ADAMTS15: variants seen among roughly 807,000 people sequenced by gnomAD.
ADAMTS15 encodes the protein A disintegrin and metalloproteinase with thrombospondin motifs 15.
In ADAMTS15, 35 loss-of-function variants were observed where a neutral mutation model predicts 79.1. The ratio of observed to expected loss-of-function variants is 0.44; its 90% CI spans 0.34 to 0.59. The LOEUF (loss-of-function observed/expected upper bound fraction) is 0.59. Among genes scored for constraint, ADAMTS15 ranks in the 20% least tolerant of loss-of-function variants. ADAMTS15 has a pLI of 0.02. For synonymous variants in ADAMTS15, 616 were observed against 567.3 expected (o/e 1.09, Z -1.22); for missense variants, 1,324 against 1,318.7 (o/e 1.00, Z -0.06).
Position 130,473,954 on chromosome 11 carries a change from C to T in ADAMTS15, c.*133C>T. 1 of 1,287,180 alleles carries T rather than the reference C, an allele frequency of 7.8e-7. No individual in the cohort carries two copies. Among genetic ancestry groups the T allele is most frequent in the Non-Finnish European group, 1.0e-6 (1 of 961,358 alleles). 79.7% of individuals were successfully genotyped at this position (1,287,180 alleles called of 1,614,324 possible). ...GTCACCCACATCCGGGGACAAGGAC[C>T]ATGGGCTGGGGCGAGAGGTTCCCTC... On this transcript the variant is annotated 3_prime_UTR_variant, in exon 8 of 8. Coordinates refer to ENST00000299164, the MANE Select transcript of ADAMTS15 (RefSeq NM_139055.4).
At position 130,449,642 on chromosome 11, in the gene ADAMTS15, G is replaced by C. The variant is rs753245189; in HGVS notation, c.669G>C (p.Leu223=). 1 of 1,600,226 alleles carries C rather than the reference G, an allele frequency of 6.2e-7. No individual in the cohort carries two copies. Among genetic ancestry groups the C allele is most frequent in the Non-Finnish European group, 8.5e-7 (1 of 1,173,780 alleles). Residue 223 remains leucine (L), a synonymous_variant, in exon 1 of 8, where the codon CTG becomes CTC. Transcript: ENST00000299164. This position sits in a 1 kb window ranked among gnomAD's most constrained non-coding sequence, Gnocchi z 7.8. ...FVSIPRYVET[L]VVADESMVKF... is the part of the protein sequence containing the mutation. ...CTATCCCGCGGTACGTGGAGACGCT[G>C]GTGGTCGCGGACGAGTCAATGGTCA...
intron 1 of ADAMTS15, among the ~76,000 whole-genome samples, chr11:130,458,320 G>A (rs369706957): frequency 2.0e-5 from 3 of 152,148 alleles, no homozygotes; most frequent in Non-Finnish European, 2.9e-5. Context: ...TTGGCCTCCC[G>A]AAGTGCTAGG....
chr11:130,470,206 A>ATATATATATATATATG (rs1565397932), intron 5 of ADAMTS15, among the ~76,000 whole-genome samples: 1 of 64,030 alleles, frequency 1.6e-5, no homozygotes, highest in Non-Finnish European at 3.1e-5. Flanking sequence ...ATATATATAT[A>ATATATATATATATATG]TATGTATATA....
intron 4 of ADAMTS15, among the ~76,000 whole-genome samples, chr11:130,466,169 G>A (rs376227213): frequency 6.6e-6 from 1 of 152,048 alleles, no homozygotes; most frequent in African/African-American, 2.4e-5. Flanking sequence ...CACCGCGCCC[G>A]GCCTGTACTC....
Position 130,452,522 on chromosome 11 carries a change from C to G in ADAMTS15, c.957+2592C>G, listed in dbSNP as rs1478059570. 2.6e-5 allele frequency among the ~76,000 whole-genome samples: 4 copies of G among 152,354 alleles called. No individual in the cohort carries two copies. The South Asian group carries it at 8.3e-4, about 32-fold the overall frequency. On this transcript the variant is annotated intron_variant, in intron 1 of 7. Transcript: ENST00000299164. ...GAGACTTGGTAGGCCCTCCCTCATT[C>G]CCTGAGACTTCTCTGTCTTTAGGTC... is the stretch of plus-strand genomic sequence containing the variant.
intron 1 of ADAMTS15, among the ~76,000 whole-genome samples, chr11:130,457,190 G>A (rs1336377616): frequency 2.7e-5 from 4 of 150,192 alleles, no homozygotes; most frequent in East Asian, 2.0e-4. Flanking sequence ...GAGATCACAC[G>A]ACTGTACTCC....
intron 1 of ADAMTS15, among the ~76,000 whole-genome samples, chr11:130,452,704 C>T (rs895609228): frequency 2.0e-5 from 3 of 152,204 alleles, no homozygotes; most frequent in Non-Finnish European, 2.9e-5. Flanking sequence ...TGGCCTTGGC[C>T]GGGCGCAGTG....
Position 130,462,684 on chromosome 11 carries a change from C to A in ADAMTS15, c.1446C>A (p.Thr482=). The A allele has an allele frequency of 6.2e-7, 1 of 1,613,464 alleles. No homozygotes were observed. Among genetic ancestry groups the A allele is most frequent in the South Asian group, 1.1e-5 (1 of 91,068 alleles). ...GKAKGQMVCQ[T]RHFPWADGTS... ...CCAAGGGACAGATGGTGTGCCAGAC[C>A]CGCCACTTCCCCTGGGCCGATGGCA... The change falls in exon 4 of 8, where the codon ACC becomes ACA. Residue 482 remains threonine, a synonymous_variant. Coordinates refer to ENST00000299164, the MANE Select transcript of ADAMTS15 (RefSeq NM_139055.4). The surrounding 1 kb of genome is among the most constrained non-coding windows in gnomAD (Gnocchi z 4.3).
At position 130,462,358 on chromosome 11, in the gene ADAMTS15, T is replaced by G; in HGVS notation, c.1258+104T>G. 1.3e-6 allele frequency: 2 copies of G among 1,489,234 alleles called. No homozygotes were observed. The highest frequency in any genetic ancestry group is 4.8e-5 in the East Asian group (2 of 41,536). The allele number at this position is 1,489,234 out of a possible 1,614,324, so 92.3% of individuals were successfully genotyped here. ...CTCCGTCCTCTGTACATTAGGTGTG[T>G]GTGCCCCCTCGGAGCCGGGCTCTGA... On this transcript the variant is annotated intron_variant, in intron 3 of 7. Coordinates refer to ENST00000299164, the MANE Select transcript of ADAMTS15 (RefSeq NM_139055.4). This position sits in a 1 kb window ranked among gnomAD's most constrained non-coding sequence, Gnocchi z 4.3.
At chr11:130,462,000 G>C in intron 2 of ADAMTS15, 87 bp from the exon 3 acceptor site, 1 of 1,440,844 alleles carries the variant, frequency 6.9e-7, no homozygotes, top group Non-Finnish European at 9.5e-7. Flanking sequence ...CCTCTGACAT[G>C]GGCTTTCTAG....
intron 1 of ADAMTS15, among the ~76,000 whole-genome samples, chr11:130,455,807 C>T (rs1938065154): frequency 1.3e-5 from 2 of 152,134 alleles, no homozygotes; most frequent in Admixed American, 1.3e-4. Flanking sequence ...GGCAAGGAGC[C>T]GGGGGCTCGT....
chr11:130,451,789 C>T (rs532246204), intron 1 of ADAMTS15, among the ~76,000 whole-genome samples: 2 of 152,182 alleles, frequency 1.3e-5, no homozygotes, highest in Admixed American at 6.5e-5. Flanking sequence ...AGAAGGAGGC[C>T]GCCTTTTGAA....
intron 4 of ADAMTS15, among the ~76,000 whole-genome samples, chr11:130,466,951 C>T (rs1257450160): frequency 6.6e-6 from 1 of 152,160 alleles, no homozygotes; most frequent in Non-Finnish European, 1.5e-5. Context: ...TTCCCAACTC[C>T]TCCCTACCAC....
Position 130,473,240 on chromosome 11 carries a change from C to T in ADAMTS15, c.2272C>T (p.Arg758Trp), listed in dbSNP as rs200840813. Residue 758 changes from arginine (R) to tryptophan (W), a missense_variant, in exon 8 of 8, where the codon CGG becomes TGG. Transcript: ENST00000299164. ...CCTGGTGGTGAAGGGCAGTCTGCTG[C>T]GGTACAGCGGCACGGGCACAGCGGT... is the stretch of plus-strand genomic sequence containing the variant. ...RDLVVKGSLL[R>W]YSGTGTAVES... The T allele has an allele frequency of 5.8e-4, 942 of 1,613,656 alleles. 1 individual carries two copies. The highest frequency in any genetic ancestry group is 6.0e-4 in the Non-Finnish European group (710 of 1,180,028).
chr11:130,448,951 G>C lies in ADAMTS15; in HGVS notation c.-23G>C. On this transcript the variant is annotated 5_prime_UTR_variant, in exon 1 of 8. Transcript: ENST00000299164. The stretch of plus-strand genomic sequence containing the variant: ...GCCCGGCCCAGCCCCTTCCCACAGC[G>C]CGGCGGTGCGCTGCCCGGCGCCATG... The C allele has an allele frequency of 6.8e-7, 1 of 1,476,462 alleles. No homozygotes were observed. The allele number at this position is 1,476,462 out of a possible 1,614,324, so 91.5% of individuals were successfully genotyped here.
At chr11:130,465,335 C>G (rs562906818) in intron 4 of ADAMTS15, among the ~76,000 whole-genome samples, 1 of 152,184 alleles carries the variant, frequency 6.6e-6, no homozygotes, top group Non-Finnish European at 1.5e-5. Context: ...GTGCTTTGCG[C>G]GGGAACCCCA....
chr11:130,450,357 C>G, intron 1 of ADAMTS15: 11 of 985,468 alleles, frequency 1.1e-5, no homozygotes, highest in Non-Finnish European at 1.2e-5. Flanking sequence ...CCTGAGGTCT[C>G]CTTTCAAGGG....
At position 130,470,124 on chromosome 11, in the gene ADAMTS15, A is replaced by ATATACATATATATATATATATATGTG. The variant is rs1565397447; in HGVS notation, c.1720+689_1720+690insCATATATATATATATATATGTGTATA. Reference sequence around the variant, plus strand: ...TATCAGGTTCATTACTGAATCATATATATATATACATATATATATATATAT... The same window carrying ATATACATATATATATATATATATGTG: ...TATCAGGTTCATTACTGAATCATATATATACATATATATATATATATATGTGTATATATACATATATATATATATAT... On this transcript the variant is annotated intron_variant, in intron 5 of 7. Transcript: ENST00000299164. Among the ~76,000 whole-genome samples the ATATACATATATATATATATATATGTG allele has an allele frequency of 2.0e-3, 191 of 94,356 alleles. 2 individuals are homozygous for ATATACATATATATATATATATATGTG. The highest frequency in any genetic ancestry group is 2.7e-3 in the Non-Finnish European group (136 of 50,022). The allele number at this position is 94,356 out of a possible 152,430, so 61.9% of individuals were successfully genotyped here. A position where few individuals can be genotyped will look rare whatever the true frequency, so the allele number is the denominator to read the frequency against.
chr11:130,472,103 T>C lies in ADAMTS15; in HGVS notation c.2078+720T>C, dbSNP rs1484726796. On this transcript the variant is annotated intron_variant, in intron 7 of 7. Transcript: ENST00000299164. The surrounding 1 kb of genome is among the most constrained non-coding windows in gnomAD (Gnocchi z 4.7). ...CAAACATATGCTCCTTGGAAAGCCC[T>C]GACCCACGTTCTAGAAGAAGAGGGG... Among the ~76,000 whole-genome samples the C allele has an allele frequency of 1.3e-5, 2 of 152,228 alleles. No homozygotes were observed. Among genetic ancestry groups the C allele is most frequent in the Non-Finnish European group, 2.9e-5 (2 of 68,034 alleles).
Sources: gnomAD v4.1 joint callset for allele counts (sites outside exome capture counted in the v4.1 genomes callset) on GRCh38, gnomAD v4.1.1 for gene constraint, Gnocchi (gnomAD v3.1) non-coding constraint, MANE v1.5 for transcripts, NCBI Gene and HGNC (gene_info 2026-07-23, HGNC 2026-07-21) for gene names.